FANCI: variants seen among roughly 807,000 people sequenced by gnomAD.
The protein encoded by FANCI is Fanconi anemia group I protein.
Under a neutral mutation model 176.1 loss-of-function variants are expected in FANCI, and 156 were observed. That is an observed-to-expected ratio of 0.89 (90% CI 0.78 to 1.01). FANCI has a LOEUF of 1.01. Ranked by LOEUF, FANCI falls within the 50% of genes least tolerant of loss-of-function variation. The probability of loss-of-function intolerance (pLI) is 0.00; values close to 1 mark genes in which losing one functional copy is unlikely to be tolerated. For missense variants in FANCI, 1,678 were observed against 1,534.1 expected, an observed-to-expected ratio of 1.09 and a Z score of -1.57; for synonymous variants, 613 against 541.7, an observed-to-expected ratio of 1.13 and a Z score of -1.83.
rs1406947880 is a variant in FANCI, at chr15:89,316,753, A to G, written c.*294A>G. 4 of 1,611,140 alleles carry G rather than the reference A, an allele frequency of 2.5e-6. No homozygotes were observed. Among genetic ancestry groups the G allele is most frequent in the East Asian group, 2.2e-5 (1 of 44,884 alleles). On this transcript the variant is annotated 3_prime_UTR_variant, in exon 38 of 38. Coordinates refer to ENST00000310775, the MANE Select transcript of FANCI (RefSeq NM_001113378.2). ...AAATACAGAGCCTCCAGGCAGTGCT[A>G]TGGTCCAGGCTGGCTTCGTTTTTCC...
chr15:89,309,441 G>A (rs2054866400), intron 34 of FANCI, among the ~76,000 whole-genome samples: 1 of 152,140 alleles, frequency 6.6e-6, no homozygotes, highest in Non-Finnish European at 1.5e-5. Context: ...GAGATTCGTG[G>A]TGTCCATTTG....
rs549989983 is a variant in FANCI at position 89,277,077 on chromosome 15, G to A, written c.1293+186G>A. 3.1e-4 allele frequency among the ~76,000 whole-genome samples: 47 copies of A among 152,278 alleles called. No homozygotes were observed. In the East Asian group the frequency reaches 8.1e-3, roughly 26 times the overall value. On this transcript the variant is annotated intron_variant, in intron 13 of 37. Transcript: ENST00000310775. ...CCAGTTTGATGGAATACTTACTTAC[G>A]TATTCTTCTATGTAAGTTTTTCATT... is the stretch of plus-strand genomic sequence containing the variant.
At chr15:89,287,355 A>G (rs1381239262) in intron 18 of FANCI, among the ~76,000 whole-genome samples, 1 of 151,982 alleles carries the variant, frequency 6.6e-6, no homozygotes, top group Non-Finnish European at 1.5e-5. Flanking sequence ...TTTCTTTGGC[A>G]GCTTCCTCAT....
intron 11 of FANCI, 42 bp downstream of exon 11, chr15:89,273,511 T>TAAAAA (rs34985075): frequency 5.2e-5 from 25 of 476,792 alleles, no homozygotes; most frequent in African/African-American, 3.3e-4. Flanking sequence ...CTGTAGTTGG[T>TAAAAA]AAAAAAAAAA....
chr15:89,246,758 C>A (rs1281684766), intron 1 of FANCI, among the ~76,000 whole-genome samples: 1 of 129,708 alleles, frequency 7.7e-6, no homozygotes, highest in Non-Finnish European at 1.6e-5. Flanking sequence ...TTTCTTTCTT[C>A]CTTTCTTTTT....
intron 34 of FANCI, chr15:89,308,195 T>C: frequency 9.8e-7 from 1 of 1,023,334 alleles, no homozygotes; most frequent in Non-Finnish European, 1.2e-6. Context: ...TATTGACATG[T>C]TGCGCTAGAT....
chr15:89,307,106 C>G (rs889143989), intron 32 of FANCI, among the ~76,000 whole-genome samples: 5 of 152,222 alleles, frequency 3.3e-5, no homozygotes, highest in African/African-American at 9.6e-5. Context: ...CAGTGTGGCT[C>G]TCTCAGAATG....
chr15:89,295,317 G>C (rs2054211978), intron 24 of FANCI, among the ~76,000 whole-genome samples: 1 of 147,660 alleles, frequency 6.8e-6, no homozygotes, highest in Non-Finnish European at 1.5e-5. Context: ...AGTGAGCTGA[G>C]TTCATACCAC....
chr15:89,282,350 A>AT (rs1288876819), intron 16 of FANCI: 17 of 167,010 alleles, frequency 1.0e-4, no homozygotes, highest in Admixed American at 9.4e-4. Context: ...AGTAGATCAA[A>AT]TTAATTGTTG....
At chr15:89,264,369 A>G (rs1016306460) in intron 8 of FANCI, among the ~76,000 whole-genome samples, 153 bp from the exon 9 acceptor site, 3 of 152,230 alleles carry the variant, frequency 2.0e-5, no homozygotes, top group Admixed American at 6.5e-5. Context: ...TTTCAACATG[A>G]AAGTGTTCTA....
At chr15:89,273,306 T>C in intron 10 of FANCI, 71 bp from the exon 11 acceptor site, 2 of 781,436 alleles carry the variant, frequency 2.6e-6, no homozygotes, top group Non-Finnish European at 4.2e-6. Context: ...AATCTTTTTT[T>C]TTTTAAAAAA....
intron 2 of FANCI, among the ~76,000 whole-genome samples, chr15:89,248,211 A>C (rs1202266472): frequency 6.6e-6 from 1 of 152,216 alleles, no homozygotes; most frequent in Non-Finnish European, 1.5e-5. Flanking sequence ...AAAATGGGAT[A>C]GTAATTGCCT....
At position 89,261,338 on chromosome 15, in the gene FANCI, CAT is replaced by C. The variant is rs72300825; in HGVS notation, c.289-242_289-241del. ...TATATTACATTTCTGGTACCATGGA[CAT>C]ATATCTCTTTGAAGAGCTGGCATAT... is the stretch of plus-strand genomic sequence containing the variant. On this transcript the variant is annotated intron_variant, in intron 4 of 37. Transcript: ENST00000310775. 4.6e-3 allele frequency among the ~76,000 whole-genome samples: 708 copies of C among 152,258 alleles called. 6 individuals are homozygous for C. The highest frequency in any genetic ancestry group is 0.015 in the African/African-American group (641 of 41,556).
intron 12 of FANCI, 125 bp downstream of exon 12, chr15:89,274,429 C>A (rs992321351): frequency 3.8e-6 from 4 of 1,050,988 alleles, no homozygotes; most frequent in South Asian, 2.8e-5. Flanking sequence ...CGTCACACAT[C>A]GAGGTTCATT....
At chr15:89,257,319 T>G (rs1436065828) in intron 2 of FANCI, among the ~76,000 whole-genome samples, 1 of 152,218 alleles carries the variant, frequency 6.6e-6, no homozygotes, top group East Asian at 1.9e-4. Context: ...TCGCCTGTAT[T>G]AGTGTGCTAG....
intron 12 of FANCI, 23 bp from the exon 13 acceptor site, chr15:89,276,688 A>G: frequency 6.2e-7 from 1 of 1,613,930 alleles, no homozygotes; most frequent in Non-Finnish European, 8.5e-7. Flanking sequence ...TTTCTTTTTT[A>G]ACTAAGCTTT....
rs28562718 is a variant in FANCI, at chr15:89,301,181, G to T, written c.2890-145G>T. On this transcript the variant is annotated intron_variant, in intron 26 of 37. Transcript: ENST00000310775. Reference sequence around the variant, plus strand: ...TAGGAAACTACTGCTCAATTCAGGTGTATTTTCAGATTTTATCCTCTTAGA... The same window carrying T: ...TAGGAAACTACTGCTCAATTCAGGTTTATTTTCAGATTTTATCCTCTTAGA... 5.7e-3 allele frequency: 4,126 copies of T among 727,888 alleles called. 48 individuals are homozygous for T. Among genetic ancestry groups the T allele is most frequent in the African/African-American group, 0.019 (1,089 of 57,696 alleles). 45.1% of individuals were successfully genotyped at this position (727,888 alleles called of 1,614,324 possible). A position where few individuals can be genotyped will look rare whatever the true frequency, so the allele number is the denominator to read the frequency against.
At chr15:89,291,528 C>CT (rs767955122) in intron 19 of FANCI, 85 bp from the exon 20 acceptor site, 17 of 1,025,160 alleles carry the variant, frequency 1.7e-5, no homozygotes, top group Non-Finnish European at 2.5e-5. Flanking sequence ...AGGCATTAGA[C>CT]ATTAAAGATA....
Position 89,268,462 on chromosome 15 carries a change from A to G in FANCI, c.819A>G (p.Leu273=). ...GTCATGTGGAAGGCACCATTATTCT[A>G]CACATTGTGTTTGCCATCAAATTGG... ...ELRHVEGTII[L]HIVFAIKLDY... The change falls in exon 10 of 38, where the codon CTA becomes CTG. Residue 273 remains leucine (L), a synonymous_variant. Transcript: ENST00000310775. 1.2e-6 allele frequency: 2 copies of G among 1,614,160 alleles called. No homozygotes were observed. The highest frequency in any genetic ancestry group is 1.7e-6 in the Non-Finnish European group (2 of 1,180,022).
Sources: allele counts gnomAD v4.1 joint callset (sites outside exome capture counted in the v4.1 genomes callset), GRCh38; gene constraint gnomAD v4.1.1; transcripts MANE v1.5; gene names NCBI Gene and HGNC (gene_info 2026-07-23, HGNC 2026-07-21).